CAMK2D: variants seen among roughly 807,000 people sequenced by gnomAD.
CAMK2D encodes the protein calcium/calmodulin dependent protein kinase II delta.
CAMK2D carries 37 observed loss-of-function variants against 84.0 expected under a neutral mutation model. The ratio of observed to expected loss-of-function variants is 0.44; its 90% CI spans 0.34 to 0.58. The LOEUF is 0.58. Among genes scored for constraint, CAMK2D ranks in the 20% least tolerant of loss-of-function variants. The pLI, the probability that CAMK2D is intolerant of heterozygous loss-of-function variation, is 0.02. For synonymous variants in CAMK2D, 202 were observed against 212.5 expected (o/e 0.95, Z 0.43); for missense variants, 448 against 652.5 (o/e 0.69, Z 3.41).
chr4:113,638,129 C>T (rs749201408), intron 3 of CAMK2D, among the ~76,000 whole-genome samples: 5 of 152,174 alleles, frequency 3.3e-5, no homozygotes, highest in Non-Finnish European at 5.9e-5. Flanking sequence ...TAACAGTGCA[C>T]TCAAATAATT....
rs532015193 is a variant in CAMK2D, at chr4:113,718,382, T to C, written c.160+40938A>G. Among the ~76,000 whole-genome samples the C allele has an allele frequency of 2.0e-5, 3 of 152,258 alleles. No homozygotes were observed. In the South Asian group the frequency reaches 6.2e-4, roughly 32 times the overall value. On this transcript the variant is annotated intron_variant, in intron 2 of 20. Transcript: ENST00000511664. ...AAGCTGTCCTCTTGTACTGAATCAA[T>C]TCCTGGGTGGTGGCCACAAGACCAG... is the stretch of plus-strand genomic sequence containing the variant.
chr4:113,463,067 T>A (rs1053484209), intron 17 of CAMK2D, among the ~76,000 whole-genome samples: 1 of 152,176 alleles, frequency 6.6e-6, no homozygotes, highest in Non-Finnish European at 1.5e-5. Flanking sequence ...TATTAGGTCA[T>A]GATAAAGAAT....
At position 113,609,259 on chromosome 4, in the gene CAMK2D, C is replaced by T. The variant is rs1031924153; in HGVS notation, c.221-53G>A. The stretch of plus-strand genomic sequence containing the variant: ...GTGTTATACCTATTCCAACGATCAA[C>T]GTTAAACCCCACTTCACATGGACAT... On this transcript the variant is annotated intron_variant, in intron 3 of 20. Coordinates refer to ENST00000511664, the MANE Select transcript of CAMK2D (RefSeq NM_001321571.2). 2.4e-5 allele frequency: 22 copies of T among 904,938 alleles called. 1 individual carries two copies. Among genetic ancestry groups the T allele is most frequent in the East Asian group, 2.2e-4 (9 of 41,498 alleles). 56.1% of individuals were successfully genotyped at this position (904,938 alleles called of 1,614,324 possible). A position where few individuals can be genotyped will look rare whatever the true frequency, so the allele number is the denominator to read the frequency against.
At chr4:113,532,622 A>G (rs1250685654) in intron 7 of CAMK2D, among the ~76,000 whole-genome samples, 2 of 152,114 alleles carry the variant, frequency 1.3e-5, no homozygotes, top group Non-Finnish European at 2.9e-5. Flanking sequence ...TCCTTCTCCA[A>G]CTTCTCTAGA....
intron 2 of CAMK2D, among the ~76,000 whole-genome samples, chr4:113,695,481 T>C (rs1483338295): frequency 2.0e-5 from 3 of 152,080 alleles, no homozygotes; most frequent in African/African-American, 7.2e-5. Flanking sequence ...CCACCAAACC[T>C]ATTGTTCCTG....
intron 3 of CAMK2D, among the ~76,000 whole-genome samples, chr4:113,611,288 G>A (rs532617373): frequency 6.6e-6 from 1 of 152,250 alleles, no homozygotes; most frequent in East Asian, 1.9e-4. Flanking sequence ...ATGGATGATA[G>A]CTCACTGGCT....
intron 2 of CAMK2D, among the ~76,000 whole-genome samples, chr4:113,702,311 C>T (rs930389664): frequency 2.0e-5 from 3 of 152,132 alleles, no homozygotes; most frequent in African/African-American, 4.8e-5. Flanking sequence ...TTCTAGGCTT[C>T]GCATGTCACA....
At chr4:113,620,430 TCA>T (rs2099040683) in intron 3 of CAMK2D, among the ~76,000 whole-genome samples, 1 of 152,118 alleles carries the variant, frequency 6.6e-6, no homozygotes, top group Non-Finnish European at 1.5e-5. Context: ...GGCAACTTTC[TCA>T]CAGTCTAGGC....
At chr4:113,651,564 T>C (rs946114509) in intron 3 of CAMK2D, among the ~76,000 whole-genome samples, 1 of 152,148 alleles carries the variant, frequency 6.6e-6, no homozygotes, top group Non-Finnish European at 1.5e-5. Flanking sequence ...AAGTAAGTTA[T>C]AAGCAATGAT....
At chr4:113,656,472 T>A (rs1367771645) in intron 3 of CAMK2D, among the ~76,000 whole-genome samples, 1 of 152,160 alleles carries the variant, frequency 6.6e-6, no homozygotes, top group African/African-American at 2.4e-5. Context: ...CTGATTGTGC[T>A]CATGTAACTA....
chr4:113,665,273 A>C (rs1158973445), intron 2 of CAMK2D, among the ~76,000 whole-genome samples: 1 of 152,192 alleles, frequency 6.6e-6, no homozygotes, highest in Non-Finnish European at 1.5e-5. Context: ...ATATAAGTAA[A>C]TTCTAGTTTC....
intron 5 of CAMK2D, among the ~76,000 whole-genome samples, chr4:113,547,919 T>C (rs1426693545): frequency 6.6e-6 from 1 of 152,214 alleles, no homozygotes; most frequent in Non-Finnish European, 1.5e-5. Flanking sequence ...AGCCAGAATG[T>C]GGGTCCATTT....
At chr4:113,686,554 G>A (rs925263922) in intron 2 of CAMK2D, among the ~76,000 whole-genome samples, 4 of 152,028 alleles carry the variant, frequency 2.6e-5, no homozygotes, top group Non-Finnish European at 5.9e-5. Flanking sequence ...CACCTTTGAT[G>A]CATTAATTTT....
chr4:113,746,933 A>C (rs1401652362), intron 2 of CAMK2D, among the ~76,000 whole-genome samples: 1 of 147,366 alleles, frequency 6.8e-6, no homozygotes, highest in Admixed American at 6.7e-5. Flanking sequence ...CTCTACTCCC[A>C]AAGTTCCTAC....
chr4:113,598,320 T>C (rs1201463246), intron 4 of CAMK2D, among the ~76,000 whole-genome samples: 2 of 150,534 alleles, frequency 1.3e-5, no homozygotes, highest in Admixed American at 1.4e-4. Flanking sequence ...CTGAAACAAC[T>C]GAAAACTCAC....
At chr4:113,464,803 C>T (rs146054636) in intron 17 of CAMK2D, among the ~76,000 whole-genome samples, 37 of 152,304 alleles carry the variant, frequency 2.4e-4, no homozygotes, top group African/African-American at 8.4e-4. Context: ...TCTTTCTCTG[C>T]CCCAGAACCT....
chr4:113,621,186 A>G (rs1442984608), intron 3 of CAMK2D, among the ~76,000 whole-genome samples: 2 of 152,186 alleles, frequency 1.3e-5, no homozygotes, highest in Admixed American at 6.5e-5. Context: ...CATCTGAATT[A>G]TTTAGAGAAC....
intron 4 of CAMK2D, among the ~76,000 whole-genome samples, chr4:113,576,818 C>T (rs1370376505): frequency 6.6e-6 from 1 of 152,074 alleles, no homozygotes; most frequent in Non-Finnish European, 1.5e-5. Flanking sequence ...CTGCCTTCAA[C>T]AAAAGATGAA....
At chr4:113,596,570 T>C (rs1477035418) in intron 4 of CAMK2D, among the ~76,000 whole-genome samples, 1 of 152,162 alleles carries the variant, frequency 6.6e-6, no homozygotes, top group African/African-American at 2.4e-5. Context: ...GTTGGGTTCG[T>C]AGGCATGAAA....
Sources: allele counts gnomAD v4.1 joint callset (sites outside exome capture counted in the v4.1 genomes callset), GRCh38; gene constraint gnomAD v4.1.1; transcripts MANE v1.5; gene names NCBI Gene and HGNC (gene_info 2026-07-23, HGNC 2026-07-21).